Variants in FRAS1 observed in about 807,000 individuals in gnomAD.
FRAS1 encodes the protein Fraser extracellular matrix complex subunit 1.
In FRAS1, 290 loss-of-function variants were observed where a neutral mutation model predicts 435.2. That is an observed-to-expected ratio of 0.67 (90% CI 0.61 to 0.73). FRAS1 has a LOEUF of 0.73. Ranked by LOEUF, FRAS1 falls within the 30% of genes least tolerant of loss-of-function variation. The pLI, the probability that FRAS1 is intolerant of heterozygous loss-of-function variation, is 0.00. For missense variants in FRAS1, 4,860 were observed against 5,001.5 expected (o/e 0.97, Z 0.85); for synonymous variants, 1,800 against 1,851.0 (o/e 0.97, Z 0.71).
At chr4:78,255,204 C>T in intron 5 of FRAS1, 38 bp from the exon 6 acceptor site, 1 of 1,550,724 alleles carries the variant, frequency 6.4e-7, no homozygotes, top group Non-Finnish European at 8.7e-7. Flanking sequence ...TCAACAAATG[C>T]CATCCCCCTA....
rs1214161998 is a variant in FRAS1, at chr4:78,267,481, G to A, written c.981+49G>A. 7 of 1,534,716 alleles carry A rather than the reference G, an allele frequency of 4.6e-6. No individual in the cohort carries two copies. The Admixed American group carries it at 7.4e-5, about 16-fold the overall frequency. ...TTGGAACGTTGCAGCTCTTTCCAAC[G>A]GGATAGTGAGGGGTCCTGCCTGTTC... On this transcript the variant is annotated intron_variant, in intron 9 of 73. Coordinates refer to ENST00000512123, the MANE Select transcript of FRAS1 (RefSeq NM_025074.7).
At chr4:78,383,915 T>G in intron 27 of FRAS1, 144 bp from the exon 28 acceptor site, 1 of 566,480 alleles carries the variant, frequency 1.8e-6, no homozygotes, top group South Asian at 2.6e-5. Flanking sequence ...TAGTTTTTTC[T>G]TTATAGTATG....
At chr4:78,267,191 G>C (rs1225572140) in intron 8 of FRAS1, 50 bp from the exon 9 acceptor site, 3 of 1,573,722 alleles carry the variant, frequency 1.9e-6, no homozygotes, top group South Asian at 2.3e-5. Context: ...TGGCTTGGGT[G>C]TTTCACCGTC....
chr4:78,406,570 C>T (rs1733103970), intron 30 of FRAS1, among the ~76,000 whole-genome samples: 1 of 152,156 alleles, frequency 6.6e-6, no homozygotes, highest in Non-Finnish European at 1.5e-5. Context: ...CCCTATGATT[C>T]AATTACCTTC....
chr4:78,384,193 C>A (rs981830229), intron 28 of FRAS1, 50 bp downstream of exon 28: 37 of 1,223,530 alleles, frequency 3.0e-5, no homozygotes, highest in Non-Finnish European at 4.3e-5. Flanking sequence ...TACTAGTTCT[C>A]AAGCACGAAA....
chr4:78,450,530 T>A, intron 45 of FRAS1, 191 bp downstream of exon 45: 1 of 575,384 alleles, frequency 1.7e-6, no homozygotes, highest in South Asian at 2.2e-5. Flanking sequence ...TCTTTCTTGG[T>A]TGAAATGTGT....
chr4:78,300,979 C>T (rs571670288), intron 14 of FRAS1, among the ~76,000 whole-genome samples: 40 of 152,304 alleles, frequency 2.6e-4, no homozygotes, highest in Non-Finnish European at 4.6e-4. Flanking sequence ...TATTGCAATT[C>T]GTAATCATCC....
At position 78,407,784 on chromosome 4, in the gene FRAS1, C is replaced by T. The variant is rs1417859423; in HGVS notation, c.4251C>T (p.Gly1417=). Reference sequence around the variant, plus strand: ...TCACCCAGCAGGACATCAATGAAGGCATCGTATGGTACAGGCACTCAGGAG... The same window carrying T: ...TCACCCAGCAGGACATCAATGAAGGTATCGTATGGTACAGGCACTCAGGAG... The part of the protein sequence containing the change: ...STFTQQDINE[G]IVWYRHSGAP... The change falls in exon 31 of 74, where the codon GGC becomes GGT. Residue 1417 remains glycine (G), a synonymous_variant. Transcript: ENST00000512123. 4 of 1,613,790 alleles carry T rather than the reference C, an allele frequency of 2.5e-6. No homozygotes were observed. The highest frequency in any genetic ancestry group is 1.3e-5 in the African/African-American group (1 of 74,908).
At chr4:78,089,150 A>G (rs1741367073) in intron 2 of FRAS1, among the ~76,000 whole-genome samples, 1 of 151,956 alleles carries the variant, frequency 6.6e-6, no homozygotes, top group Admixed American at 6.6e-5. Flanking sequence ...GAAGCTGGAA[A>G]CCATCATTCT....
chr4:78,522,934 T>C (rs1578372860), intron 69 of FRAS1, 126 bp downstream of exon 69: 1 of 922,546 alleles, frequency 1.1e-6, no homozygotes, highest in South Asian at 2.1e-5. Context: ...TTGATAGAAA[T>C]AACCCTCAGC....
At chr4:78,490,803 C>T (rs1720325103) in intron 59 of FRAS1, among the ~76,000 whole-genome samples, 1 of 150,868 alleles carries the variant, frequency 6.6e-6, no homozygotes, top group Admixed American at 6.6e-5. Flanking sequence ...TAATTAGGAT[C>T]AGAACAGAAC....
intron 2 of FRAS1, among the ~76,000 whole-genome samples, chr4:78,068,189 T>C (rs534061505): frequency 7.2e-5 from 11 of 152,246 alleles, no homozygotes; most frequent in African/African-American, 2.4e-4. Flanking sequence ...TGAATTCTAA[T>C]AAGTAAAATA....
At chr4:78,285,811 G>C (rs7687406) in intron 13 of FRAS1, among the ~76,000 whole-genome samples, 4 of 152,082 alleles carry the variant, frequency 2.6e-5, no homozygotes, top group Non-Finnish European at 5.9e-5. Context: ...CAAGTGTTTT[G>C]ATACAGGTTA....
At chr4:78,442,520 C>T (rs1012579410) in intron 41 of FRAS1, among the ~76,000 whole-genome samples, 22 of 152,304 alleles carry the variant, frequency 1.4e-4, no homozygotes, top group Admixed American at 5.9e-4. Context: ...GAAGGAAGCT[C>T]ATAGGCAAAG....
intron 2 of FRAS1, among the ~76,000 whole-genome samples, chr4:78,073,289 G>A (rs1740454104): frequency 6.6e-6 from 1 of 152,068 alleles, no homozygotes; most frequent in African/African-American, 2.4e-5. Flanking sequence ...TAATCCATAT[G>A]CATTTTTATT....
rs898120295 is a variant in FRAS1, at chr4:78,058,371, C to A, written c.76+286C>A. On this transcript the variant is annotated intron_variant, in intron 1 of 73. Transcript: ENST00000512123. ...GCCGATGGAGGTGACATCTCTGAAA[C>A]TGATCCTTTTTCTTTCCACCACCTA... is the stretch of plus-strand genomic sequence containing the variant. 1.4e-4 allele frequency among the ~76,000 whole-genome samples: 21 copies of A among 152,250 alleles called. 1 individual carries two copies. Among genetic ancestry groups the A allele is most frequent in the Admixed American group, 1.0e-3 (16 of 15,298 alleles).
At chr4:78,209,812 G>A (rs1341778275) in intron 2 of FRAS1, among the ~76,000 whole-genome samples, 1 of 152,158 alleles carries the variant, frequency 6.6e-6, no homozygotes, top group Non-Finnish European at 1.5e-5. Context: ...AGGAGTATTT[G>A]ATCCCAAGTA....
chr4:78,143,379 A>G (rs1470873404), intron 2 of FRAS1, among the ~76,000 whole-genome samples: 2 of 152,220 alleles, frequency 1.3e-5, no homozygotes, highest in Non-Finnish European at 2.9e-5. Context: ...GACAAACACA[A>G]TTACAAGGTG....
At chr4:78,372,642 A>G (rs1731559863) in intron 23 of FRAS1, 76 bp from the exon 24 acceptor site, 4 of 1,553,800 alleles carry the variant, frequency 2.6e-6, no homozygotes, top group Non-Finnish European at 2.6e-6. Flanking sequence ...AGCTGCAGAC[A>G]GAGTCCTCAT....
Sources: allele counts gnomAD v4.1 joint callset (sites outside exome capture counted in the v4.1 genomes callset), GRCh38; gene constraint gnomAD v4.1.1; transcripts MANE v1.5; gene names NCBI Gene and HGNC (gene_info 2026-07-23, HGNC 2026-07-21).